Variants in DPH6 observed in about 807,000 individuals in gnomAD.
DPH6 encodes the protein diphthamine biosynthesis 6.
Under a neutral mutation model 38.2 loss-of-function variants are expected in DPH6, and 33 were observed. That is an observed-to-expected ratio of 0.86 (90% CI 0.65 to 1.15). The LOEUF (loss-of-function observed/expected upper bound fraction) is 1.15. Ranked by LOEUF, DPH6 falls within the 50% of genes most tolerant of loss-of-function variation. The probability of loss-of-function intolerance (pLI) is 0.00; values close to 1 mark genes in which losing one functional copy is unlikely to be tolerated. For synonymous variants in DPH6, 108 were observed against 103.0 expected (o/e 1.05, Z -0.30); for missense variants, 325 against 320.0 (o/e 1.02, Z -0.12).
At chr15:35,156,443 C>T in the DPH6 span, among the ~76,000 whole-genome samples, 1 of 152,052 alleles carries the variant, frequency 6.6e-6, no homozygotes, top group Non-Finnish European at 1.5e-5. Context: ...GAAAATGCCA[C>T]TACTGAACCT....
chr15:35,502,729 G>C (rs2054643204), intron 3 of DPH6, among the ~76,000 whole-genome samples: 1 of 151,436 alleles, frequency 6.6e-6, no homozygotes, highest in Admixed American at 6.6e-5. Flanking sequence ...AAGAAAAATT[G>C]CAACAATATG....
At chr15:35,278,536 C>T (rs1233109402) in intron 3 of DPH6, among the ~76,000 whole-genome samples, 1 of 152,218 alleles carries the variant, frequency 6.6e-6, no homozygotes, top group African/African-American at 2.4e-5. Context: ...AGAGTCCCCA[C>T]CAGGGCACTG....
intron 3 of DPH6, among the ~76,000 whole-genome samples, chr15:35,336,437 T>C (rs946196749): frequency 6.6e-6 from 1 of 152,166 alleles, no homozygotes; most frequent in African/African-American, 2.4e-5. Flanking sequence ...CCGTCACTGA[T>C]ACCCTTTCTT....
intron 3 of DPH6, chr15:35,237,763 C>T (rs1233341176): frequency 3.0e-5 from 48 of 1,610,844 alleles, no homozygotes; most frequent in African/African-American, 6.7e-5. Context: ...CATATCTTGA[C>T]GGCTATGACC....
Position 35,484,499 on chromosome 15 carries a change from C to T in DPH6, c.313-29679G>A, listed in dbSNP as rs1350670288. Among the ~76,000 whole-genome samples, 2 of 152,130 alleles carry T rather than the reference C, an allele frequency of 1.3e-5. 1 individual carries two copies. The highest frequency in any genetic ancestry group is 2.9e-5 in the Non-Finnish European group (2 of 68,042). ...ATATGGCCGTTGGCAGAATTCAGTT[C>T]CTTGTGGTCTGTTGGAATGAGGATG... is the stretch of plus-strand genomic sequence containing the variant. On this transcript the variant is annotated intron_variant, in intron 3 of 8. Coordinates refer to ENST00000256538, the MANE Select transcript of DPH6 (RefSeq NM_080650.4).
intron 3 of DPH6, among the ~76,000 whole-genome samples, chr15:35,238,982 G>A (rs374001176): frequency 1.4e-5 from 2 of 145,810 alleles, no homozygotes; most frequent in African/African-American, 2.5e-5. Context: ...GACTCAGCCC[G>A]CCTGCACCCA....
chr15:35,502,389 A>T (rs778858037), intron 3 of DPH6, among the ~76,000 whole-genome samples: 23 of 152,100 alleles, frequency 1.5e-4, no homozygotes, highest in Non-Finnish European at 2.9e-4. Context: ...TACCACAAGA[A>T]TCACTACATT....
At chr15:35,153,383 C>T in the DPH6 span, among the ~76,000 whole-genome samples, 1 of 151,858 alleles carries the variant, frequency 6.6e-6, no homozygotes, top group South Asian at 2.1e-4. Flanking sequence ...AGTTTATTGC[C>T]TAAGATTCAG....
At chr15:35,406,962 T>C (rs2053301918) in intron 6 of DPH6, among the ~76,000 whole-genome samples, 1 of 151,896 alleles carries the variant, frequency 6.6e-6, no homozygotes, top group Non-Finnish European at 1.5e-5. Context: ...GGAACCACAA[T>C]ATATAAAAGG....
chr15:35,316,972 C>A (rs2052195292), intron 3 of DPH6, among the ~76,000 whole-genome samples: 1 of 152,132 alleles, frequency 6.6e-6, no homozygotes, highest in Non-Finnish European at 1.5e-5. Flanking sequence ...AAAAAACTCT[C>A]TAGGGCTGGG....
At chr15:35,390,400 T>A (rs2071439266) in intron 6 of DPH6, among the ~76,000 whole-genome samples, 1 of 152,236 alleles carries the variant, frequency 6.6e-6, no homozygotes, top group South Asian at 2.1e-4. Flanking sequence ...CCTTGCTAGA[T>A]TGGGGAAGTT....
chr15:35,397,864 T>TAC (rs1288990452), intron 6 of DPH6, among the ~76,000 whole-genome samples: 88 of 88,596 alleles, frequency 9.9e-4, no homozygotes, highest in African/African-American at 4.3e-3. Flanking sequence ...TCAATTTATA[T>TAC]ATATACACAC....
chr15:35,208,641 C>T, the DPH6 span, among the ~76,000 whole-genome samples: 6 of 152,308 alleles, frequency 3.9e-5, no homozygotes, highest in East Asian at 9.6e-4. Flanking sequence ...AGAGAAATGT[C>T]GTGTTTGAGC....
chr15:35,240,785 A>G lies in DPH6; in HGVS notation n.201-20203T>C, dbSNP rs2051592336. On this transcript the variant is annotated intron_variant and non_coding_transcript_variant, in intron 3 of 3. Transcript: ENST00000560386. Reference sequence around the variant, plus strand: ...CCCTAAAAGGTCAAAAGGCCGTCTTATTCTCAATATACATTTTATTACCCA... The same window carrying G: ...CCCTAAAAGGTCAAAAGGCCGTCTTGTTCTCAATATACATTTTATTACCCA... Among the ~76,000 whole-genome samples the G allele has an allele frequency of 1.4e-5, 2 of 144,208 alleles. 1 individual carries two copies. The highest frequency in any genetic ancestry group is 3.0e-5 in the Non-Finnish European group (2 of 65,678). The allele number at this position is 144,208 out of a possible 152,430, so 94.6% of individuals were successfully genotyped here. A position where few individuals can be genotyped will look rare whatever the true frequency, so the allele number is the denominator to read the frequency against.
chr15:35,153,821 A>G, the DPH6 span, among the ~76,000 whole-genome samples: 1 of 152,202 alleles, frequency 6.6e-6, no homozygotes, highest in Non-Finnish European at 1.5e-5. Context: ...TGCAAATGAC[A>G]TGAATGCTTG....
chr15:35,180,949 A>C, the DPH6 span, among the ~76,000 whole-genome samples: 1 of 152,244 alleles, frequency 6.6e-6, no homozygotes, highest in Admixed American at 6.5e-5. Flanking sequence ...GGCAATATAA[A>C]AATACAAAAA....
chr15:35,427,337 T>G (rs904336644), intron 5 of DPH6, among the ~76,000 whole-genome samples: 3 of 151,932 alleles, frequency 2.0e-5, no homozygotes, highest in African/African-American at 7.2e-5. Flanking sequence ...CAGATGGTAT[T>G]CAACTGAGAG....
In DPH6 at chr15:35,279,391, C is replaced by T. The variant is rs1023022501; in HGVS notation, n.201-58809G>A. Among the ~76,000 whole-genome samples the T allele has an allele frequency of 5.3e-5, 8 of 151,896 alleles. No homozygotes were observed. The East Asian group carries it at 1.3e-3, about 26-fold the overall frequency. ...ATGTAAGGACATGAGATTTGAGGAA[C>T]CAGGGGCAGAAGGATATGGTTTGGG... On this transcript the variant is annotated intron_variant and non_coding_transcript_variant, in intron 3 of 3. Coordinates refer to the DPH6 transcript ENST00000560386.
intron 3 of DPH6, among the ~76,000 whole-genome samples, chr15:35,335,359 A>G (rs1046048113): frequency 5.3e-5 from 8 of 151,926 alleles, no homozygotes; most frequent in African/African-American, 1.9e-4. Flanking sequence ...TACTTTGTTG[A>G]TAGTTTTTTT....
Sources: gnomAD v4.1 joint callset for allele counts (sites outside exome capture counted in the v4.1 genomes callset) on GRCh38, gnomAD v4.1.1 for gene constraint, MANE v1.5 for transcripts, NCBI Gene and HGNC (gene_info 2026-07-23, HGNC 2026-07-21) for gene names.